TNIK: variants seen among roughly 807,000 people sequenced by gnomAD.
The protein encoded by TNIK is TRAF2 and NCK-interacting protein kinase.
TNIK carries 49 observed loss-of-function variants against 191.3 expected under a neutral mutation model. The ratio of observed to expected loss-of-function variants is 0.26; its 90% CI spans 0.20 to 0.32. The LOEUF is 0.32. Among genes scored for constraint, TNIK ranks in the 10% least tolerant of loss-of-function variants. The pLI is 1.00. For synonymous variants in TNIK, 594 were observed against 600.9 expected (o/e 0.99, Z 0.17); for missense variants, 1,155 against 1,702.3 (o/e 0.68, Z 5.66).
At chr3:171,388,045 CT>C (rs1309378550) in intron 1 of TNIK, among the ~76,000 whole-genome samples, 1 of 152,152 alleles carries the variant, frequency 6.6e-6, no homozygotes, top group East Asian at 1.9e-4. Flanking sequence ...AACTAATTGA[CT>C]ATTTAATGTG....
intron 1 of TNIK, among the ~76,000 whole-genome samples, chr3:171,408,389 G>A (rs1721977028): frequency 6.6e-6 from 1 of 152,144 alleles, no homozygotes; most frequent in Non-Finnish European, 1.5e-5. Context: ...AGCCATGAAG[G>A]GAAGCTGCAA....
chr3:171,071,358 C>T (rs1002407587), intron 28 of TNIK, 35 bp from the exon 29 acceptor site: 1 of 1,392,602 alleles, frequency 7.2e-7, no homozygotes, highest in African/African-American at 1.4e-5. Flanking sequence ...AAAAGTACAT[C>T]AATTTACTCA....
At chr3:171,190,881 T>C in intron 5 of TNIK, 94 bp from the exon 6 acceptor site, 1 of 818,552 alleles carries the variant, frequency 1.2e-6, no homozygotes, top group Non-Finnish European at 1.9e-6. Context: ...AACTTTACAC[T>C]CACCCAGACA....
At chr3:171,157,045 A>G (rs575621009) in intron 12 of TNIK, among the ~76,000 whole-genome samples, 12 of 152,354 alleles carry the variant, frequency 7.9e-5, no homozygotes, top group Admixed American at 2.0e-4. Context: ...CCTTGTCCTG[A>G]TGGAGCTTAA....
At chr3:171,107,954 T>C (rs1725191585) in intron 20 of TNIK, 111 bp downstream of exon 20, 2 of 1,067,536 alleles carry the variant, frequency 1.9e-6, no homozygotes, top group Admixed American at 2.4e-5. Flanking sequence ...CATCCGTTCT[T>C]ACTAATCTCA....
intron 2 of TNIK, among the ~76,000 whole-genome samples, chr3:171,313,099 GT>G (rs1443656334): frequency 5.3e-5 from 8 of 152,202 alleles, no homozygotes; most frequent in Middle Eastern, 3.4e-3. Flanking sequence ...ATGCAAATGT[GT>G]AGAAACTACT....
intron 2 of TNIK, among the ~76,000 whole-genome samples, chr3:171,285,411 A>T (rs1047949247): frequency 6.6e-6 from 1 of 152,242 alleles, no homozygotes; most frequent in Admixed American, 6.5e-5. Context: ...TAGATGAGAA[A>T]GTAAAAGTGT....
At chr3:171,418,281 TC>T (rs1723339192) in intron 1 of TNIK, among the ~76,000 whole-genome samples, 2 of 152,136 alleles carry the variant, frequency 1.3e-5, no homozygotes, top group South Asian at 4.2e-4. Flanking sequence ...CCTGGCAACT[TC>T]CATAAGGACT....
chr3:171,204,362 A>C (rs1739803877), intron 4 of TNIK, among the ~76,000 whole-genome samples: 1 of 152,272 alleles, frequency 6.6e-6, no homozygotes, highest in South Asian at 2.1e-4. Context: ...TCAATCAGAC[A>C]CCTGAAACAG....
intron 3 of TNIK, among the ~76,000 whole-genome samples, chr3:171,215,602 C>A (rs865890246): frequency 6.6e-6 from 1 of 152,150 alleles, no homozygotes; most frequent in Non-Finnish European, 1.5e-5. Context: ...AAACCAAAGT[C>A]GTTAATCGGA....
At chr3:171,165,718 T>C (rs369113201) in intron 10 of TNIK, among the ~76,000 whole-genome samples, 6 of 152,208 alleles carry the variant, frequency 3.9e-5, no homozygotes, top group African/African-American at 1.4e-4. Flanking sequence ...CACATCACCA[T>C]GTGCCTCCCC....
chr3:171,369,641 T>G lies in TNIK; in HGVS notation c.102A>C (p.Gly34=). 1 of 1,578,388 alleles carries G rather than the reference T, an allele frequency of 6.3e-7. No individual in the cohort carries two copies. ...IFELVELVGN[G]TYGQVYKGRH... ...TTACCTTATAAACTTGCCCGTATGT[T>G]CCATTTCCAACAAGTTCCACCAATT... is the stretch of plus-strand genomic sequence containing the variant. The change falls in exon 2 of 33, where the codon GGA becomes GGC. Residue 34 remains glycine (G), a synonymous_variant. Coordinates refer to ENST00000436636, the MANE Select transcript of TNIK (RefSeq NM_015028.4).
rs1181973820 is a variant in TNIK, at chr3:171,087,397, G to A, written c.2831C>T (p.Thr944Ile). ...GGTTGAGACGCGCCCCAGTCCCTCA[G>A]TCGGGGTTCCAGCTGGAGAATGGCT... is the stretch of plus-strand genomic sequence containing the variant. ...QQSHSPAGTPTEGLGRVSTHS... is the reference protein window; with the variant it reads ...QQSHSPAGTPIEGLGRVSTHS... The change falls in exon 24 of 33, where the codon ACT (threonine) becomes ATT (isoleucine). Residue 944 changes from threonine to isoleucine, a missense_variant. Transcript: ENST00000436636. 6.2e-7 allele frequency: 1 copy of A among 1,614,004 alleles called. No individual in the cohort carries two copies. Among genetic ancestry groups the A allele is most frequent in the South Asian group, 1.1e-5 (1 of 91,076 alleles).
At chr3:171,114,802 A>G (rs541557478) in intron 18 of TNIK, among the ~76,000 whole-genome samples, 1 of 152,318 alleles carries the variant, frequency 6.6e-6, no homozygotes, top group Admixed American at 6.5e-5. Flanking sequence ...TTTTATGACA[A>G]TTGTTCATAT....
intron 2 of TNIK, among the ~76,000 whole-genome samples, chr3:171,313,215 T>G (rs1754241883): frequency 6.6e-6 from 1 of 152,066 alleles, no homozygotes; most frequent in Admixed American, 6.6e-5. Context: ...GTTATTTTTT[T>G]GTGATACTCT....
chr3:171,145,717 G>T (rs189227135), intron 12 of TNIK, among the ~76,000 whole-genome samples: 1 of 151,200 alleles, frequency 6.6e-6, no homozygotes, highest in Admixed American at 6.6e-5. Context: ...GTCATTAGAG[G>T]TCTAGTTTTA....
chr3:171,241,828 T>A (rs917568977), intron 2 of TNIK, among the ~76,000 whole-genome samples: 7 of 152,278 alleles, frequency 4.6e-5, no homozygotes, highest in Admixed American at 4.6e-4. Flanking sequence ...CATGGAATAC[T>A]ATGCAGCCAT....
chr3:171,443,161 CT>C (rs1727044823), intron 1 of TNIK, among the ~76,000 whole-genome samples: 1 of 152,178 alleles, frequency 6.6e-6, no homozygotes, highest in African/African-American at 2.4e-5. Context: ...AAGCAGAGGC[CT>C]TTTAGGAAGA....
intron 1 of TNIK, among the ~76,000 whole-genome samples, chr3:171,378,410 T>C (rs570173407): frequency 1.3e-5 from 2 of 152,336 alleles, no homozygotes; most frequent in Admixed American, 1.3e-4. Context: ...ATAATGGTAG[T>C]ACCCACTTTG....
Sources: allele counts gnomAD v4.1 joint callset (sites outside exome capture counted in the v4.1 genomes callset), GRCh38; gene constraint gnomAD v4.1.1; transcripts MANE v1.5; gene names NCBI Gene and HGNC (gene_info 2026-07-23, HGNC 2026-07-21).